Variants in ICA1 observed in about 807,000 individuals in gnomAD.
ICA1 encodes the protein 69 kDa islet cell autoantigen.
A neutral mutation model predicts 71.0 loss-of-function variants in ICA1; 40 were observed. The observed-to-expected ratio is 0.56, with a 90% CI of 0.44 to 0.73. The LOEUF is 0.73. ICA1 is among the 30% of genes least tolerant of loss of function. The probability of loss-of-function intolerance (pLI) is 0.00; values close to 1 mark genes in which losing one functional copy is unlikely to be tolerated. For missense variants in ICA1, 578 were observed against 576.5 expected (o/e 1.00, Z -0.03); for synonymous variants, 207 against 209.5 (o/e 0.99, Z 0.10).
intron 10 of ICA1, among the ~76,000 whole-genome samples, chr7:8,140,953 G>A (rs75119402): frequency 0.011 from 1,732 of 152,344 alleles, 48 homozygotes; most frequent in South Asian, 0.1. Context: ...AGAGGGTGAA[G>A]CAGGAAGAGA....
At chr7:8,231,326 G>A (rs192773336) in intron 3 of ICA1, among the ~76,000 whole-genome samples, 2 of 152,252 alleles carry the variant, frequency 1.3e-5, no homozygotes, top group East Asian at 1.9e-4. Context: ...GGGAGGCAGG[G>A]CCAGTGGGTC....
At chr7:8,134,037 T>C (rs936572556) in intron 12 of ICA1, among the ~76,000 whole-genome samples, 4 of 152,160 alleles carry the variant, frequency 2.6e-5, no homozygotes. Context: ...ACTCTGCTTT[T>C]ACTTCAGAAC....
chr7:8,149,914 CACATAATTCATGG>C lies in ICA1; in HGVS notation c.805-5955_805-5943del, dbSNP rs1374109792. Among the ~76,000 whole-genome samples, 7 of 152,240 alleles carry C rather than the reference CACATAATTCATGG, an allele frequency of 4.6e-5. No individual in the cohort carries two copies. The East Asian group carries it at 1.2e-3, about 25-fold the overall frequency. On this transcript the variant is annotated intron_variant, in intron 8 of 13. Transcript: ENST00000402384. ...AGAGGCCACAGTGATGTGTACTGGC[CACATAATTCATGG>C]ACATTTAGCACATACGTACTCTCTT...
intron 7 of ICA1, 189 bp downstream of exon 7, chr7:8,158,338 C>T (rs73674891): frequency 0.036 from 22,828 of 625,570 alleles, 1,966 homozygotes; most frequent in African/African-American, 0.26. Context: ...ATGGTATATA[C>T]AGGAAATAAC....
rs887583952 is a variant in ICA1 at position 8,262,123 on chromosome 7, G to A, written c.-109C>T. On this transcript the variant is annotated 5_prime_UTR_variant, in exon 1 of 14. Coordinates refer to ENST00000402384, the MANE Select transcript of ICA1 (RefSeq NM_001136020.3). ...GAGCCCCGGCCCCCAGGAGCCTCCC[G>A]GCCGCGGTCGGAGCGTCCCTCCGGA... is the stretch of plus-strand genomic sequence containing the variant. The A allele has an allele frequency of 5.3e-5, 8 of 152,122 alleles. No homozygotes were observed. Among genetic ancestry groups the A allele is most frequent in the Admixed American group, 5.2e-4 (8 of 15,286 alleles). 9.4% of individuals were successfully genotyped at this position (152,122 alleles called of 1,614,324 possible).
At chr7:8,174,749 G>A (rs2058516) in intron 6 of ICA1, among the ~76,000 whole-genome samples, 2 of 136,586 alleles carry the variant, frequency 1.5e-5, no homozygotes, top group East Asian at 2.1e-4. Context: ...CAGCCAGACT[G>A]TATCTCAAAA....
chr7:8,113,706 A>G lies in ICA1; in HGVS notation c.*217T>C, dbSNP rs946001000. ...GTGGCCTGGAAACCGCTTCTAGACA[A>G]TCCTGTATTATTTAGATCCACATAG... On this transcript the variant is annotated 3_prime_UTR_variant, in exon 14 of 14. Coordinates refer to ENST00000402384, the MANE Select transcript of ICA1 (RefSeq NM_001136020.3). The surrounding 1 kb of genome is among the most constrained non-coding windows in gnomAD (Gnocchi z 4.2). 13 of 482,944 alleles carry G rather than the reference A, an allele frequency of 2.7e-5. No individual in the cohort carries two copies. The highest frequency in any genetic ancestry group is 2.1e-4 in the African/African-American group (11 of 51,324). The allele number at this position is 482,944 out of a possible 1,614,324, so 29.9% of individuals were successfully genotyped here. A position where few individuals can be genotyped will look rare whatever the true frequency, so the allele number is the denominator to read the frequency against.
At chr7:8,183,019 T>C (rs985498453) in intron 6 of ICA1, among the ~76,000 whole-genome samples, 1 of 152,184 alleles carries the variant, frequency 6.6e-6, no homozygotes, top group Non-Finnish European at 1.5e-5. Flanking sequence ...AACACAATGG[T>C]GATCAGGCTA....
chr7:8,146,463 GAGA>G (rs1345875875), intron 8 of ICA1, among the ~76,000 whole-genome samples: 3 of 152,160 alleles, frequency 2.0e-5, no homozygotes, highest in Non-Finnish European at 4.4e-5. Context: ...GTCACATGGG[GAGA>G]ACATTCCCGT....
At chr7:8,177,071 T>C (rs1392148611) in intron 6 of ICA1, among the ~76,000 whole-genome samples, 1 of 152,220 alleles carries the variant, frequency 6.6e-6, no homozygotes, top group Admixed American at 6.5e-5. Context: ...ATTTATTACA[T>C]GAAAATATTC....
intron 12 of ICA1, among the ~76,000 whole-genome samples, chr7:8,138,178 A>T (rs1794049279): frequency 6.6e-6 from 1 of 152,154 alleles, no homozygotes; most frequent in Admixed American, 6.5e-5. Context: ...ACTCAAATCC[A>T]TGGTTCTGGA....
chr7:8,128,957 C>G (rs76825617), intron 12 of ICA1, among the ~76,000 whole-genome samples: 2 of 152,174 alleles, frequency 1.3e-5, no homozygotes, highest in African/African-American at 4.8e-5. Context: ...ATGTTAATAA[C>G]GGCCACCTCG....
chr7:8,114,010 C>T lies in ICA1; in HGVS notation c.1365G>A (p.Trp455Ter). 2 of 1,614,132 alleles carry T rather than the reference C, an allele frequency of 1.2e-6. No homozygotes were observed. The highest frequency in any genetic ancestry group is 1.7e-6 in the Non-Finnish European group (2 of 1,179,982). The change falls in exon 14 of 14, where the codon TGG becomes TGA. Residue 455 changes from tryptophan to a stop codon, truncating the protein, a stop_gained. Transcript: ENST00000402384. LOFTEE classifies it high-confidence loss of function. ...GGTCGAGGTCAGCGAAGAGGCTGAA[C>T]CAGGCAGTCAGGTCTGAGGCAGCCT... is the stretch of plus-strand genomic sequence containing the variant. ...PAKAASDLTA[W>*]FSLFADLDPL...
At chr7:8,187,565 T>C (rs1266483452) in intron 6 of ICA1, among the ~76,000 whole-genome samples, 1 of 152,224 alleles carries the variant, frequency 6.6e-6, no homozygotes, top group South Asian at 2.1e-4. Flanking sequence ...TTATAACAAA[T>C]GTTTTTCTTT....
intron 1 of ICA1, among the ~76,000 whole-genome samples, chr7:8,244,171 A>G (rs1164641282): frequency 2.6e-5 from 4 of 152,230 alleles, no homozygotes; most frequent in Admixed American, 2.0e-4. Flanking sequence ...CTACAAAGCT[A>G]CAGTAACCAA....
chr7:8,238,261 T>C (rs1339262370), intron 1 of ICA1, among the ~76,000 whole-genome samples: 2 of 152,230 alleles, frequency 1.3e-5, no homozygotes, highest in Non-Finnish European at 2.9e-5. Flanking sequence ...AGCCCACTGA[T>C]GGTATGCAAG....
Position 8,234,867 on chromosome 7 carries a change from A to T in ICA1, c.17+1043T>A, listed in dbSNP as rs1246065723. Among the ~76,000 whole-genome samples the T allele has an allele frequency of 6.6e-6, 1 of 152,234 alleles. No individual in the cohort carries two copies. Among genetic ancestry groups the T allele is most frequent in the Admixed American group, 6.5e-5 (1 of 15,286 alleles). On this transcript the variant is annotated intron_variant, in intron 2 of 13. Coordinates refer to ENST00000402384, the MANE Select transcript of ICA1 (RefSeq NM_001136020.3). This position sits in a 1 kb window ranked among gnomAD's most constrained non-coding sequence, Gnocchi z 4.5. ...GGAATGGCATTCTCAAGAGTGGGCC[A>T]TAGAATGGATTTCTTTGGCCGGGCG... is the stretch of plus-strand genomic sequence containing the variant.
At chr7:8,219,119 AATGAAAGTG>A (rs151005926) in intron 5 of ICA1, among the ~76,000 whole-genome samples, 2,803 of 152,296 alleles carry the variant, frequency 0.018, 75 homozygotes, top group African/African-American at 0.064. Flanking sequence ...CTATACCAGA[AATGAAAGTG>A]ATGAAGTAGG....
chr7:8,204,101 C>T (rs575369529), intron 6 of ICA1, among the ~76,000 whole-genome samples: 1 of 152,034 alleles, frequency 6.6e-6, no homozygotes, highest in East Asian at 1.9e-4. Context: ...CTTAAGGGTG[C>T]TTGGAACATG....
Sources: gnomAD v4.1 joint callset for allele counts (sites outside exome capture counted in the v4.1 genomes callset) on GRCh38, gnomAD v4.1.1 for gene constraint, Gnocchi (gnomAD v3.1) non-coding constraint, MANE v1.5 for transcripts, NCBI Gene and HGNC (gene_info 2026-07-23, HGNC 2026-07-21) for gene names.